Variants in MYO5B observed in about 807,000 individuals in gnomAD.
MYO5B encodes the protein unconventional myosin-Vb.
A neutral mutation model predicts 229.3 loss-of-function variants in MYO5B; 143 were observed. The observed-to-expected ratio is 0.62, with a 90% CI of 0.54 to 0.72. The LOEUF (loss-of-function observed/expected upper bound fraction) is 0.72, where lower values mean the gene tolerates loss of function less well. Among genes scored for constraint, MYO5B ranks in the 30% least tolerant of loss-of-function variants. The probability of loss-of-function intolerance (pLI) is 0.00; values close to 1 mark genes in which losing one functional copy is unlikely to be tolerated. For missense variants in MYO5B, 2,321 were observed against 2,331.0 expected, an observed-to-expected ratio of 1.00 and a Z score of 0.09; for synonymous variants, 918 against 885.2, an observed-to-expected ratio of 1.04 and a Z score of -0.66.
chr18:50,187,222 T>C (rs1480056780), intron 1 of MYO5B, among the ~76,000 whole-genome samples: 2 of 152,246 alleles, frequency 1.3e-5, no homozygotes, highest in African/African-American at 4.8e-5. Context: ...TTCTAGTCTC[T>C]GTAATTTCTA....
At chr18:50,124,622 T>C (rs541389989) in intron 1 of MYO5B, among the ~76,000 whole-genome samples, 1 of 152,198 alleles carries the variant, frequency 6.6e-6, no homozygotes, top group Non-Finnish European at 1.5e-5. Context: ...AAGACATGTA[T>C]AGCCTGCATA....
At chr18:50,107,107 GC>G (rs1189774248) in intron 1 of MYO5B, among the ~76,000 whole-genome samples, 3 of 118,426 alleles carry the variant, frequency 2.5e-5, no homozygotes, top group African/African-American at 6.2e-5. Flanking sequence ...GCCTTAGGGT[GC>G]CTTTTTTTTT....
At chr18:50,116,476 A>C (rs2031964666) in intron 1 of MYO5B, among the ~76,000 whole-genome samples, 2 of 152,194 alleles carry the variant, frequency 1.3e-5, no homozygotes, top group Non-Finnish European at 2.9e-5. Flanking sequence ...TTGCCTACCC[A>C]AACTGGAATC....
intron 8 of MYO5B, among the ~76,000 whole-genome samples, chr18:49,982,787 G>A (rs1010553714): frequency 2.6e-5 from 4 of 152,128 alleles, no homozygotes; most frequent in Non-Finnish European, 4.4e-5. Flanking sequence ...CTTTAAGTTT[G>A]CTAACCCCTG....
At chr18:49,915,830 C>G (rs775096629) in intron 17 of MYO5B, among the ~76,000 whole-genome samples, 2 of 152,216 alleles carry the variant, frequency 1.3e-5, no homozygotes, top group Non-Finnish European at 2.9e-5. Context: ...TTTTAACACA[C>G]GCCAGCATGG....
chr18:50,021,450 A>G (rs1048244284), intron 4 of MYO5B, among the ~76,000 whole-genome samples: 2 of 152,192 alleles, frequency 1.3e-5, no homozygotes, highest in African/African-American at 2.4e-5. Flanking sequence ...TCAGCTCTCA[A>G]GAGGGGATAT....
chr18:49,951,294 T>A (rs1032727018), intron 14 of MYO5B, among the ~76,000 whole-genome samples: 1 of 152,154 alleles, frequency 6.6e-6, no homozygotes, highest in Non-Finnish European at 1.5e-5. Context: ...CTGTGAATCT[T>A]CCTAGCAAAT....
chr18:50,156,807 T>C (rs1441970639), intron 1 of MYO5B, among the ~76,000 whole-genome samples: 1 of 152,174 alleles, frequency 6.6e-6, no homozygotes, highest in Non-Finnish European at 1.5e-5. Context: ...AAGCTAGAAG[T>C]CAGTCTTGAC....
chr18:49,867,446 A>G (rs1042213200), intron 27 of MYO5B, among the ~76,000 whole-genome samples: 8 of 151,664 alleles, frequency 5.3e-5, no homozygotes, highest in African/African-American at 1.9e-4. Context: ...TCTTGGGAGG[A>G]TGTGTGGGTG....
intron 16 of MYO5B, among the ~76,000 whole-genome samples, chr18:49,932,117 T>C (rs532977759): frequency 3.3e-5 from 5 of 152,298 alleles, no homozygotes; most frequent in South Asian, 2.1e-4. Flanking sequence ...CAGAAGCTCA[T>C]TGAGAACCCC....
chr18:50,183,687 T>C (rs2033108017), intron 1 of MYO5B, among the ~76,000 whole-genome samples: 1 of 151,638 alleles, frequency 6.6e-6, no homozygotes. Context: ...GTGGTTTAGA[T>C]ATGAATCATT....
chr18:49,908,835 T>C lies in MYO5B; in HGVS notation c.2203-2205A>G, dbSNP rs552559327. ...TAGAGTACAAAGAATTCAGTATGTA[T>C]CTGTGGAGTTAAAGAATAAACAAAT... On this transcript the variant is annotated intron_variant, in intron 18 of 39. Transcript: ENST00000285039. Among the ~76,000 whole-genome samples the C allele has an allele frequency of 1.5e-4, 23 of 152,194 alleles. 1 individual carries two copies. The highest frequency in any genetic ancestry group is 1.5e-3 in the Admixed American group (23 of 15,290).
At chr18:49,955,565 C>T (rs559771829) in intron 12 of MYO5B, among the ~76,000 whole-genome samples, 190 of 152,280 alleles carry the variant, frequency 1.2e-3, no homozygotes, top group African/African-American at 4.2e-3. Flanking sequence ...AAATCCGCAC[C>T]ATAAAGAAAA....
At chr18:50,104,022 C>T (rs1289111123) in intron 1 of MYO5B, among the ~76,000 whole-genome samples, 10 of 148,798 alleles carry the variant, frequency 6.7e-5, no homozygotes, top group Admixed American at 4.0e-4. Flanking sequence ...AAAAATAGCC[C>T]GTGTAGTAGT....
rs1261111710 is a variant in MYO5B, at chr18:49,912,117, A to T, written c.2147T>A (p.Leu716His). ...GATGGCCTTTTTGTCTGTGTTGGCG[A>T]GCTCTCTCTTCTTGACCAGCACCCG... The part of the protein sequence containing the change: ...RYRVLVKKRE[L>H]ANTDKKAICR... The change falls in exon 18 of 40, where the codon CTC becomes CAC. Residue 716 changes from leucine to histidine, a missense_variant. Physicochemically the swap from Leu to His is moderately conservative, Grantham distance 99. Coordinates refer to ENST00000285039, the MANE Select transcript of MYO5B (RefSeq NM_001080467.3). 6.2e-7 allele frequency: 1 copy of T among 1,613,990 alleles called. No homozygotes were observed.
chr18:49,892,652 T>C (rs1243405630), intron 22 of MYO5B, among the ~76,000 whole-genome samples: 3 of 152,116 alleles, frequency 2.0e-5, no homozygotes, highest in East Asian at 1.9e-4. Flanking sequence ...CTTTGATAAA[T>C]ATTATACCCT....
At chr18:49,990,834 AG>A (rs983240013) in intron 6 of MYO5B, among the ~76,000 whole-genome samples, 2 of 152,222 alleles carry the variant, frequency 1.3e-5, no homozygotes, top group African/African-American at 4.8e-5. Flanking sequence ...ATACTTATTC[AG>A]TCTTCTGTGC....
intron 10 of MYO5B, among the ~76,000 whole-genome samples, chr18:49,968,910 C>T (rs1013704668): frequency 2.6e-5 from 4 of 152,172 alleles, no homozygotes; most frequent in African/African-American, 7.2e-5. Context: ...CATGGAACTT[C>T]ATCTGAGCCT....
At chr18:50,139,958 T>C (rs920209345) in intron 1 of MYO5B, among the ~76,000 whole-genome samples, 1 of 152,238 alleles carries the variant, frequency 6.6e-6, no homozygotes, top group Non-Finnish European at 1.5e-5. Context: ...GTGAATTAAT[T>C]AACTTCTCAT....
Sources: gnomAD v4.1 joint callset for allele counts (sites outside exome capture counted in the v4.1 genomes callset) on GRCh38, gnomAD v4.1.1 for gene constraint, MANE v1.5 for transcripts, NCBI Gene and HGNC (gene_info 2026-07-23, HGNC 2026-07-21) for gene names.